CARMIL1: variants seen among roughly 807,000 people sequenced by gnomAD.
CARMIL1 encodes F-actin-uncapping protein LRRC16A.
CARMIL1 carries 90 observed loss-of-function variants against 177.1 expected under a neutral mutation model. The observed-to-expected ratio is 0.51, with a 90% confidence interval of 0.43 to 0.61. CARMIL1 has a LOEUF of 0.61. CARMIL1 is among the 20% of genes least tolerant of loss of function. The probability of loss-of-function intolerance (pLI) is 0.00; values close to 1 mark genes in which losing one functional copy is unlikely to be tolerated. For synonymous variants in CARMIL1, 577 were observed against 606.2 expected, an observed-to-expected ratio of 0.95 and a Z score of 0.71; for missense variants, 1,380 against 1,667.0, an observed-to-expected ratio of 0.83 and a Z score of 3.00.
chr6:25,407,408 T>C (rs74773135), intron 2 of CARMIL1, among the ~76,000 whole-genome samples: 1 of 150,282 alleles, frequency 6.7e-6, no homozygotes, highest in Non-Finnish European at 1.5e-5. Flanking sequence ...GACGGGCATT[T>C]ATCTCCAGCA....
chr6:25,308,506 C>T lies in CARMIL1; in HGVS notation c.138+23597C>T, dbSNP rs560695273. Among the ~76,000 whole-genome samples the T allele has an allele frequency of 4.6e-5, 7 of 151,836 alleles. No individual in the cohort carries two copies. The South Asian group carries it at 6.3e-4, about 14-fold the overall frequency. On this transcript the variant is annotated intron_variant, in intron 2 of 36. Transcript: ENST00000329474. ...AAGTGATTCTCCTGCCTCAGCCTCCCGAGTAGCAGGGACTACAGGCGCGTG... is the reference window on the plus strand; with the variant it reads ...AAGTGATTCTCCTGCCTCAGCCTCCTGAGTAGCAGGGACTACAGGCGCGTG...
Position 25,375,772 on chromosome 6 carries a change from G to A in CARMIL1, c.139-44342G>A, listed in dbSNP as rs117784364. ...TTTTTTCTACTTGTTCTAGTCTAGC[G>A]TTAAAACTTTCTACTATATTTTGCA... On this transcript the variant is annotated intron_variant, in intron 2 of 36. Coordinates refer to ENST00000329474, the MANE Select transcript of CARMIL1 (RefSeq NM_017640.6). Among the ~76,000 whole-genome samples, 85 of 152,124 alleles carry A rather than the reference G, an allele frequency of 5.6e-4. 1 individual carries two copies. In the East Asian group the frequency reaches 0.015, roughly 27 times the overall value.
chr6:25,506,282 C>T (rs148554068), intron 17 of CARMIL1, among the ~76,000 whole-genome samples: 2,574 of 152,344 alleles, frequency 0.017, 37 homozygotes, highest in Middle Eastern at 0.034. Context: ...CATGATGGCT[C>T]ACGCCTGTCA....
At chr6:25,462,025 T>C (rs1470094317) in intron 8 of CARMIL1, among the ~76,000 whole-genome samples, 1 of 152,052 alleles carries the variant, frequency 6.6e-6, no homozygotes, top group Admixed American at 6.6e-5. Flanking sequence ...AAAAATGGGG[T>C]GATTGTTTTT....
rs201012642 is a variant in CARMIL1 at position 25,435,594 on chromosome 6, C to T, written c.361C>T (p.Leu121Phe). 1.1e-4 allele frequency: 178 copies of T among 1,576,494 alleles called. No individual in the cohort carries two copies. The highest frequency in any genetic ancestry group is 3.3e-4 in the Middle Eastern group (2 of 6,028). The change falls in exon 5 of 37, where the codon CTC (leucine) becomes TTC (phenylalanine). Residue 121 changes from leucine to phenylalanine, a missense_variant. By Grantham distance (22) the Leu-to-Phe change is conservative. Transcript: ENST00000329474. Reference protein sequence around the residue: ...GTCLRKIFPGLSPVRIMKKVS... With the variant: ...GTCLRKIFPGFSPVRIMKKVS... ...CTGCCTGAGGAAGATATTTCCTGGCCTCTCTCCAGTGTGAGTTTCCCTGGG... is the reference window on the plus strand; with the variant it reads ...CTGCCTGAGGAAGATATTTCCTGGCTTCTCTCCAGTGTGAGTTTCCCTGGG...
chr6:25,526,587 C>CT (rs1394472441), intron 23 of CARMIL1, among the ~76,000 whole-genome samples: 1 of 151,084 alleles, frequency 6.6e-6, no homozygotes, highest in Non-Finnish European at 1.5e-5. Context: ...AGGTCTCACT[C>CT]TGTCATCCAG....
chr6:25,604,927 A>C, intron 34 of CARMIL1, 34 bp downstream of exon 34: 1 of 1,525,038 alleles, frequency 6.6e-7, no homozygotes, highest in East Asian at 2.4e-5. Context: ...CCCCTTAGGA[A>C]AAGCGCTTAC....
In CARMIL1 at chr6:25,581,097, A is replaced by G. The variant is rs1017426890; in HGVS notation, c.2809+107A>G. 4 of 1,289,846 alleles carry G rather than the reference A, an allele frequency of 3.1e-6. No individual in the cohort carries two copies. The African/African-American group carries it at 6.0e-5, about 19-fold the overall frequency. 79.9% of individuals were successfully genotyped at this position (1,289,846 alleles called of 1,614,324 possible). The stretch of plus-strand genomic sequence containing the variant: ...CCTTATGGATGCACTACATGGGTAA[A>G]TATTGAGAAAGAGTTCAGTGATCTG... On this transcript the variant is annotated intron_variant, in intron 30 of 36. Coordinates refer to ENST00000329474, the MANE Select transcript of CARMIL1 (RefSeq NM_017640.6).
At position 25,613,000 on chromosome 6, in the gene CARMIL1, TA is replaced by T. The variant is rs1365434185; in HGVS notation, c.3979+2820del. On this transcript the variant is annotated intron_variant, in intron 36 of 36. Coordinates refer to ENST00000329474, the MANE Select transcript of CARMIL1 (RefSeq NM_017640.6). The stretch of plus-strand genomic sequence containing the variant: ...GTGGGACTGGGTCAGGGATTAGTCA[TA>T]CAAGAGAGGTTTTTGGTTTTGTTTT... 17 of 636,550 alleles carry T rather than the reference TA, an allele frequency of 2.7e-5. No homozygotes were observed. The African/African-American group carries it at 2.8e-4, about 10-fold the overall frequency. 39.4% of individuals were successfully genotyped at this position (636,550 alleles called of 1,614,324 possible). A position where few individuals can be genotyped will look rare whatever the true frequency, so the allele number is the denominator to read the frequency against.
chr6:25,518,744 A>C (rs1806257372), intron 22 of CARMIL1, among the ~76,000 whole-genome samples: 1 of 152,182 alleles, frequency 6.6e-6, no homozygotes, highest in Admixed American at 6.5e-5. Flanking sequence ...TTCCAGATTG[A>C]CTGTTGGACT....
intron 2 of CARMIL1, among the ~76,000 whole-genome samples, chr6:25,309,921 C>T (rs181956506): frequency 7.2e-5 from 11 of 152,090 alleles, no homozygotes; most frequent in African/African-American, 2.4e-4. Context: ...AGGTGCACGC[C>T]ACCGCACCCG....
chr6:25,340,797 T>G lies in CARMIL1; in HGVS notation c.138+55888T>G, dbSNP rs1204493352. The stretch of plus-strand genomic sequence containing the variant: ...TGAAGGTTTTTTTTTTTTTTTTTTT[T>G]TTTTTTTAAGTCGTGTAAGAATTGC... On this transcript the variant is annotated intron_variant, in intron 2 of 36. Coordinates refer to ENST00000329474, the MANE Select transcript of CARMIL1 (RefSeq NM_017640.6). 2.3e-5 allele frequency among the ~76,000 whole-genome samples: 3 copies of G among 129,076 alleles called. 1 individual carries two copies. Among genetic ancestry groups the G allele is most frequent in the African/African-American group, 3.1e-5 (1 of 32,404 alleles). The allele number at this position is 129,076 out of a possible 152,430, so 84.7% of individuals were successfully genotyped here.
At chr6:25,578,159 C>T (rs187529182) in intron 29 of CARMIL1, among the ~76,000 whole-genome samples, 1 of 152,214 alleles carries the variant, frequency 6.6e-6, no homozygotes, top group African/African-American at 2.4e-5. Context: ...ATCTGATGGA[C>T]ACTTTGTGAT....
At chr6:25,550,801 C>T (rs1582331916) in intron 26 of CARMIL1, 109 bp from the exon 27 acceptor site, 3 of 972,030 alleles carry the variant, frequency 3.1e-6, no homozygotes, top group Non-Finnish European at 4.7e-6. Flanking sequence ...CTCCGTCGTG[C>T]TCCTGTTCTC....
chr6:25,352,190 C>A lies in CARMIL1; in HGVS notation c.138+67281C>A, dbSNP rs75739979. On this transcript the variant is annotated intron_variant, in intron 2 of 36. Coordinates refer to ENST00000329474, the MANE Select transcript of CARMIL1 (RefSeq NM_017640.6). Reference sequence around the variant, plus strand: ...AAAAGTATTCATCTATAGGTGACTACATAAATGACCCCAGATAACAGGAAC... The same window carrying A: ...AAAAGTATTCATCTATAGGTGACTAAATAAATGACCCCAGATAACAGGAAC... 5.7e-3 allele frequency among the ~76,000 whole-genome samples: 861 copies of A among 151,054 alleles called. 8 individuals carry two copies. The highest frequency in any genetic ancestry group is 0.02 in the African/African-American group (810 of 41,164).
rs563447080 is a variant in CARMIL1 at position 25,472,134 on chromosome 6, T to A, written c.780-293T>A. On this transcript the variant is annotated intron_variant, in intron 10 of 36. Coordinates refer to ENST00000329474, the MANE Select transcript of CARMIL1 (RefSeq NM_017640.6). ...TTCAATCCAGGATTTTTTTTTTTTTTAAATTATGGAGGGGCCAGAAAGTAC... is the reference window on the plus strand; with the variant it reads ...TTCAATCCAGGATTTTTTTTTTTTTAAAATTATGGAGGGGCCAGAAAGTAC... 3.6e-4 allele frequency among the ~76,000 whole-genome samples: 54 copies of A among 151,950 alleles called. No homozygotes were observed. The South Asian group carries it at 5.2e-3, about 15-fold the overall frequency.
At chr6:25,415,974 A>G (rs1368110464) in intron 2 of CARMIL1, among the ~76,000 whole-genome samples, 2 of 147,118 alleles carry the variant, frequency 1.4e-5, no homozygotes, top group African/African-American at 5.1e-5. Flanking sequence ...TAGCAGAGAG[A>G]GGGGTCAGAG....
chr6:25,514,147 C>T (rs1239610178), intron 20 of CARMIL1, among the ~76,000 whole-genome samples: 1 of 152,160 alleles, frequency 6.6e-6, no homozygotes, highest in South Asian at 2.1e-4. Flanking sequence ...CCATGCAAGA[C>T]AAACAAAACC....
At chr6:25,368,164 C>G (rs559126139) in intron 2 of CARMIL1, among the ~76,000 whole-genome samples, 1 of 152,262 alleles carries the variant, frequency 6.6e-6, no homozygotes, top group Non-Finnish European at 1.5e-5. Context: ...AGCAGAGAAC[C>G]CTGATCCTTA....
Sources: gnomAD v4.1 joint callset for allele counts (sites outside exome capture counted in the v4.1 genomes callset) on GRCh38, gnomAD v4.1.1 for gene constraint, MANE v1.5 for transcripts, NCBI Gene and HGNC (gene_info 2026-07-23, HGNC 2026-07-21) for gene names.